VAV2: variants seen among roughly 807,000 people sequenced by gnomAD.
VAV2 encodes the protein guanine nucleotide exchange factor VAV2.
A neutral mutation model predicts 132.5 loss-of-function variants in VAV2; 67 were observed. The observed-to-expected ratio is 0.51, with a 90% CI of 0.42 to 0.62. VAV2 has a LOEUF of 0.62. VAV2 is among the 20% of genes least tolerant of loss of function. The probability of loss-of-function intolerance (pLI) is 0.00; values close to 1 mark genes in which losing one functional copy is unlikely to be tolerated. For missense variants in VAV2, 938 were observed against 1,153.6 expected (o/e 0.81, Z 2.71); for synonymous variants, 492 against 443.5 (o/e 1.11, Z -1.37).
In VAV2 at chr9:133,935,505, T is replaced by C. The variant is rs1840874556; in HGVS notation, c.321+3598A>G. Among the ~76,000 whole-genome samples the C allele has an allele frequency of 2.0e-5, 3 of 152,136 alleles. No homozygotes were observed. The South Asian group carries it at 6.2e-4, about 32-fold the overall frequency. The stretch of plus-strand genomic sequence containing the variant: ...TGTCCACGGCAGGGACTGCAACAAA[T>C]ACGCCCCGGCCCAGCAAGAGGTCCC... On this transcript the variant is annotated intron_variant, in intron 2 of 29. Transcript: ENST00000371850. The surrounding 1 kb of genome is among the most constrained non-coding windows in gnomAD (Gnocchi z 5.2).
chr9:133,914,031 G>A (rs608402), intron 2 of VAV2, among the ~76,000 whole-genome samples: 57,812 of 152,074 alleles, frequency 0.38, 11,286 homozygotes, highest in East Asian at 0.7. Flanking sequence ...ATCCTGAAAC[G>A]TAAACCAACA....
Position 133,919,974 on chromosome 9 carries a change from C to T in VAV2, c.321+19129G>A, listed in dbSNP as rs1840235717. Among the ~76,000 whole-genome samples the T allele has an allele frequency of 6.6e-6, 1 of 152,216 alleles. No homozygotes were observed. The highest frequency in any genetic ancestry group is 1.5e-5 in the Non-Finnish European group (1 of 68,040). On this transcript the variant is annotated intron_variant, in intron 2 of 29. Coordinates refer to ENST00000371850, the MANE Select transcript of VAV2 (RefSeq NM_001134398.2). This position sits in a 1 kb window ranked among gnomAD's most constrained non-coding sequence, Gnocchi z 5.8. ...CTGCCAGGCCCCAGGCATCAGTCAGCACCTGTTCTCTGCGCTGAGCCACGT... is the reference window on the plus strand; with the variant it reads ...CTGCCAGGCCCCAGGCATCAGTCAGTACCTGTTCTCTGCGCTGAGCCACGT...
At chr9:133,854,221 C>A (rs1427259322) in intron 3 of VAV2, among the ~76,000 whole-genome samples, 1 of 150,596 alleles carries the variant, frequency 6.6e-6, no homozygotes, top group Non-Finnish European at 1.5e-5. Context: ...ACACACACAC[C>A]CATGTGCACC....
chr9:133,799,778 T>TAA (rs1195941989), intron 9 of VAV2, among the ~76,000 whole-genome samples: 1 of 151,218 alleles, frequency 6.6e-6, no homozygotes, highest in Admixed American at 6.6e-5. Flanking sequence ...TTTCCCCTTT[T>TAA]AAAAAAAAAT....
chr9:133,906,903 C>T (rs930091102), intron 2 of VAV2, among the ~76,000 whole-genome samples: 71 of 152,294 alleles, frequency 4.7e-4, no homozygotes, highest in African/African-American at 1.7e-3. Context: ...CTCGCCCCGT[C>T]CCATCCCTTC....
intron 24 of VAV2, among the ~76,000 whole-genome samples, chr9:133,775,481 T>C (rs1207978749): frequency 1.3e-5 from 2 of 152,170 alleles, no homozygotes; most frequent in Non-Finnish European, 2.9e-5. Context: ...TGGTAACACA[T>C]TGGAGATTGC....
rs574212624 is a variant in VAV2 at position 133,918,316 on chromosome 9, G to A, written c.321+20787C>T. 2.0e-5 allele frequency among the ~76,000 whole-genome samples: 3 copies of A among 152,296 alleles called. No homozygotes were observed. Among genetic ancestry groups the A allele is most frequent in the Non-Finnish European group, 2.9e-5 (2 of 68,024 alleles). On this transcript the variant is annotated intron_variant, in intron 2 of 29. Transcript: ENST00000371850. The surrounding 1 kb of genome is among the most constrained non-coding windows in gnomAD (Gnocchi z 4.7). ...AAAGCGAACCAGAGAGCAGGAAGGC[G>A]GCGCTGGCTCCGAGCCTTGTGTCTG...
chr9:133,769,575 C>T lies in VAV2; in HGVS notation c.2348-72G>A. 18 of 1,485,168 alleles carry T rather than the reference C, an allele frequency of 1.2e-5. No individual in the cohort carries two copies. Among genetic ancestry groups the T allele is most frequent in the Non-Finnish European group, 1.6e-5 (17 of 1,089,906 alleles). 92.0% of individuals were successfully genotyped at this position (1,485,168 alleles called of 1,614,324 possible). The stretch of plus-strand genomic sequence containing the variant: ...CGCACAGTCACGGTGGGCACAGCTA[C>T]AGGCCGGGGGGCATGGGGTGGGGCA... On this transcript the variant is annotated intron_variant, in intron 27 of 29. Coordinates refer to ENST00000371850, the MANE Select transcript of VAV2 (RefSeq NM_001134398.2). The surrounding 1 kb of genome is among the most constrained non-coding windows in gnomAD (Gnocchi z 8.1).
chr9:133,949,258 G>A (rs111567572), intron 1 of VAV2, among the ~76,000 whole-genome samples: 1,598 of 152,254 alleles, frequency 0.01, 27 homozygotes, highest in African/African-American at 0.037. Context: ...CCCTGTCTCT[G>A]CACACTTCCC....
chr9:133,799,899 C>T (rs1336559308), intron 9 of VAV2, among the ~76,000 whole-genome samples: 1 of 152,140 alleles, frequency 6.6e-6, no homozygotes. Flanking sequence ...CACTGACTCC[C>T]GGCGGCCGCC....
chr9:133,900,208 A>T (rs1839387893), intron 2 of VAV2, among the ~76,000 whole-genome samples: 1 of 146,150 alleles, frequency 6.8e-6, no homozygotes, highest in African/African-American at 2.5e-5. Flanking sequence ...CAAAAAAACC[A>T]AAGAAGAAAG....
chr9:133,799,078 G>A (rs1156871263), intron 9 of VAV2, among the ~76,000 whole-genome samples: 3 of 152,240 alleles, frequency 2.0e-5, no homozygotes, highest in Non-Finnish European at 4.4e-5. Flanking sequence ...TGGCTTCTGC[G>A]GAGGGTGGCC....
chr9:133,921,157 C>T (rs1425998891), intron 2 of VAV2, among the ~76,000 whole-genome samples: 1 of 152,176 alleles, frequency 6.6e-6, no homozygotes, highest in Admixed American at 6.5e-5. Context: ...CAGAGTCAGC[C>T]CACTTCCCTC....
intron 1 of VAV2, among the ~76,000 whole-genome samples, chr9:133,959,207 G>A (rs1255977422): frequency 1.3e-5 from 2 of 152,186 alleles, no homozygotes; most frequent in East Asian, 3.8e-4. Context: ...CAGGCTGCAG[G>A]AGAGATGCTC....
intron 24 of VAV2, among the ~76,000 whole-genome samples, 165 bp from the exon 25 acceptor site, chr9:133,775,216 G>A (rs1278341557): frequency 3.9e-5 from 6 of 152,184 alleles, no homozygotes; most frequent in African/African-American, 7.2e-5. Flanking sequence ...TATGAGCGGG[G>A]CACCACTGTG....
intron 3 of VAV2, among the ~76,000 whole-genome samples, chr9:133,838,853 GGGTGGGTGGGTGGGTGGATGGATA>G (rs1836592109): frequency 7.4e-6 from 1 of 134,764 alleles, no homozygotes; most frequent in Non-Finnish European, 1.6e-5. Context: ...ATGGATGAAT[GGGTGGGTGGGTGGGTGGATGGATA>G]GATGGGTGGG....
rs942918369 is a variant in VAV2, at chr9:133,885,774, C to G, written c.322-24342G>C. ...ATGCCATCTCCCTGACCTCGCAAAC[C>G]CACCACGGTGCCGGCACAAACCCTT... On this transcript the variant is annotated intron_variant, in intron 2 of 29. Coordinates refer to ENST00000371850, the MANE Select transcript of VAV2 (RefSeq NM_001134398.2). The surrounding 1 kb of genome is among the most constrained non-coding windows in gnomAD (Gnocchi z 5.0). Among the ~76,000 whole-genome samples the G allele has an allele frequency of 1.3e-5, 2 of 152,184 alleles. No individual in the cohort carries two copies. Among genetic ancestry groups the G allele is most frequent in the Non-Finnish European group, 2.9e-5 (2 of 68,032 alleles).
rs375084752 is a variant in VAV2, at chr9:133,908,250, G to A, written c.321+30853C>T. The stretch of plus-strand genomic sequence containing the variant: ...TAAAGCATGAGCTCCAAGGGGCCAG[G>A]AGATGGGCGGAGATGGGGTGAGCCT... On this transcript the variant is annotated intron_variant, in intron 2 of 29. Transcript: ENST00000371850. Among the ~76,000 whole-genome samples, 200 of 152,174 alleles carry A rather than the reference G, an allele frequency of 1.3e-3. 6 individuals carry two copies. In the South Asian group the frequency reaches 0.03, roughly 23 times the overall value.
intron 1 of VAV2, among the ~76,000 whole-genome samples, chr9:133,985,489 C>T (rs767662165): frequency 5.3e-5 from 8 of 152,136 alleles, no homozygotes; most frequent in East Asian, 3.9e-4. Flanking sequence ...GCCATATTGG[C>T]CAGACTGGTC....
Sources: allele counts gnomAD v4.1 joint callset (sites outside exome capture counted in the v4.1 genomes callset), GRCh38; gene constraint gnomAD v4.1.1; non-coding constraint Gnocchi (gnomAD v3.1); transcripts MANE v1.5; gene names NCBI Gene and HGNC (gene_info 2026-07-23, HGNC 2026-07-21).